KLF8: variants seen among roughly 807,000 people sequenced by gnomAD.
KLF8 encodes Krueppel-like factor 8.
In KLF8, 10 loss-of-function variants were observed where a neutral mutation model predicts 18.2. That is an observed-to-expected ratio of 0.55 (90% CI 0.34 to 0.93). The LOEUF (loss-of-function observed/expected upper bound fraction) is 0.93, where lower values mean the gene tolerates loss of function less well. Among genes scored for constraint, KLF8 ranks in the 40% least tolerant of loss-of-function variants. KLF8 has a pLI of 0.02. For synonymous variants in KLF8, 109 were observed against 97.3 expected (o/e 1.12, Z -0.71); for missense variants, 264 against 277.9 (o/e 0.95, Z 0.36).
chrX:56,176,104 G>T, the KLF8 span, among the ~76,000 whole-genome samples: 1 of 111,697 alleles, frequency 9.0e-6, no homozygotes, highest in Non-Finnish European at 1.9e-5. Flanking sequence ...TACATTTAAG[G>T]TTAATATTTT....
At chrX:55,953,908 GT>G in the KLF8 span, among the ~76,000 whole-genome samples, 1,386 of 108,919 alleles carry the variant, frequency 0.013, 9 homozygotes, top group Non-Finnish European at 0.016. Context: ...AACACCAAAA[GT>G]ACAAACAAAC....
At chrX:56,266,032 A>G in intron 3 of KLF8, 8 of 816,793 alleles carry the variant, frequency 9.8e-6, no homozygotes, top group Non-Finnish European at 1.2e-5. Flanking sequence ...TAAGCATTTT[A>G]TATTTAAAAT....
the KLF8 span, among the ~76,000 whole-genome samples, chrX:56,058,281 T>TATATACAC: frequency 1.4e-4 from 2 of 14,457 alleles, no homozygotes; most frequent in African/African-American, 3.0e-4. Context: ...TATATATACA[T>TATATACAC]ATATATATAT....
At chrX:56,207,226 G>T in the KLF8 span, among the ~76,000 whole-genome samples, 1 of 112,553 alleles carries the variant, frequency 8.9e-6, no homozygotes, top group African/African-American at 3.2e-5. Context: ...TTTCCCCATT[G>T]TATTGGCAAT....
chrX:55,993,096 C>A, the KLF8 span, among the ~76,000 whole-genome samples: 1 of 110,964 alleles, frequency 9.0e-6, no homozygotes, highest in Non-Finnish European at 1.9e-5. Context: ...TTGTTTCTTT[C>A]TCTTGACTGA....
At position 56,265,200 on chromosome X, in the gene KLF8, C is replaced by G. The variant is rs774648329; in HGVS notation, c.102C>G (p.Asn34Lys). The G allele has an allele frequency of 1.2e-5, 15 of 1,202,067 alleles. No homozygotes were observed. In the East Asian group the frequency reaches 4.1e-4, roughly 33 times the overall value. The change falls in exon 3 of 6, where the codon AAC becomes AAG. Residue 34 changes from asparagine (N) to lysine (K), a missense_variant. Physicochemically the swap from Asn to Lys is moderately conservative, Grantham distance 94. This residue lies in a region of KLF8 where 221 missense variants were observed against 193.6 expected (regional missense o/e 1.14). Coordinates refer to ENST00000468660, the MANE Select transcript of KLF8 (RefSeq NM_007250.5). ...VFKQVTASVRNRDPPEIEYRS... is the reference protein window; with the variant it reads ...VFKQVTASVRKRDPPEIEYRS... Reference sequence around the variant, plus strand: ...TTAAGGTCACTGCTTCTGTTCGGAACAGAGATCCCCCTGAGATAGAATACA... The same window carrying G: ...TTAAGGTCACTGCTTCTGTTCGGAAGAGAGATCCCCCTGAGATAGAATACA...
chrX:56,059,998 T>C, the KLF8 span, among the ~76,000 whole-genome samples: 1 of 111,829 alleles, frequency 8.9e-6, no homozygotes, highest in Middle Eastern at 4.6e-3. Flanking sequence ...TGGAATGATT[T>C]TCCAATTGTT....
the KLF8 span, among the ~76,000 whole-genome samples, chrX:55,947,686 A>G: frequency 9.0e-6 from 1 of 111,558 alleles, no homozygotes; most frequent in African/African-American, 3.3e-5. Flanking sequence ...TCAGAGCAGA[A>G]TCAAATCAAT....
chrX:56,283,902 G>A (rs1450268480), intron 5 of KLF8, among the ~76,000 whole-genome samples: 2 of 111,888 alleles, frequency 1.8e-5, no homozygotes, highest in Non-Finnish European at 3.8e-5. Context: ...AGTAGAGCCG[G>A]ATCACACAAA....
At chrX:55,989,193 T>A in the KLF8 span, among the ~76,000 whole-genome samples, 1 of 111,902 alleles carries the variant, frequency 8.9e-6, no homozygotes, top group African/African-American at 3.3e-5. Flanking sequence ...GTACCCTTTA[T>A]TTCCTTCTCC....
chrX:56,148,537 T>C, the KLF8 span, among the ~76,000 whole-genome samples: 2 of 111,938 alleles, frequency 1.8e-5, no homozygotes, highest in East Asian at 5.6e-4. Flanking sequence ...TCTGTGGATT[T>C]TGTAAGAAAT....
the KLF8 span, among the ~76,000 whole-genome samples, chrX:55,945,413 C>G: frequency 9.0e-6 from 1 of 111,149 alleles, no homozygotes; most frequent in Admixed American, 9.6e-5. Flanking sequence ...ATTGATCTGT[C>G]TAATGTTGAC....
chrX:56,021,928 T>C, the KLF8 span, among the ~76,000 whole-genome samples: 1 of 108,172 alleles, frequency 9.2e-6, no homozygotes, highest in African/African-American at 3.4e-5. Flanking sequence ...AATTGGGTAA[T>C]TGATGTCCCA....
At chrX:56,213,176 G>A in the KLF8 span, among the ~76,000 whole-genome samples, 1 of 110,105 alleles carries the variant, frequency 9.1e-6, no homozygotes, top group African/African-American at 3.3e-5. Flanking sequence ...TCAGCTCTGG[G>A]ATTAATCAGA....
the KLF8 span, among the ~76,000 whole-genome samples, chrX:56,193,778 C>CTCATG: frequency 1.8e-5 from 2 of 111,173 alleles, no homozygotes; most frequent in East Asian, 5.6e-4. Context: ...AGCAGTTGAA[C>CTCATG]TCATGGGGAC....
At chrX:55,989,263 G>T in the KLF8 span, among the ~76,000 whole-genome samples, 1 of 111,927 alleles carries the variant, frequency 8.9e-6, no homozygotes, top group Non-Finnish European at 1.9e-5. Flanking sequence ...GTGAGAGAGG[G>T]CATCCCTGTC....
the KLF8 span, chrX:55,961,084 G>T: frequency 7.0e-6 from 1 of 142,700 alleles, no homozygotes; most frequent in Non-Finnish European, 1.4e-5. Flanking sequence ...TAAAAAAAAA[G>T]AAAAGCAATA....
the KLF8 span, among the ~76,000 whole-genome samples, chrX:56,185,679 G>A: frequency 8.9e-6 from 1 of 112,071 alleles, no homozygotes; most frequent in African/African-American, 3.2e-5. Context: ...GAATCTCTCG[G>A]CAGAAACTCT....
At chrX:56,178,269 G>T in the KLF8 span, among the ~76,000 whole-genome samples, 1 of 112,734 alleles carries the variant, frequency 8.9e-6, no homozygotes, top group Admixed American at 9.4e-5. Flanking sequence ...TCTGTTGGCT[G>T]CATAAATGTC....
Sources: gnomAD v4.1 joint callset for allele counts (sites outside exome capture counted in the v4.1 genomes callset) on GRCh38, gnomAD v4.1.1 for gene constraint, gnomAD v4.1.1 regional missense constraint, MANE v1.5 for transcripts, NCBI Gene and HGNC (gene_info 2026-07-23, HGNC 2026-07-21) for gene names.